CCDC57: variants seen among roughly 807,000 people sequenced by gnomAD.
CCDC57 encodes the protein coiled-coil domain containing 57.
Under a neutral mutation model 118.9 loss-of-function variants are expected in CCDC57, and 118 were observed. That is an observed-to-expected ratio of 0.99 (90% confidence interval 0.86 to 1.16). The LOEUF (loss-of-function observed/expected upper bound fraction) is 1.16. CCDC57 is among the 50% of genes most tolerant of loss of function. The pLI, the probability that CCDC57 is intolerant of heterozygous loss-of-function variation, is 0.00. For missense variants in CCDC57, 1,300 were observed against 1,320.7 expected (o/e 0.98, Z 0.24); for synonymous variants, 527 against 532.9 (o/e 0.99, Z 0.15).
At chr17:82,190,935 T>C (rs2047595893) in intron 7 of CCDC57, among the ~76,000 whole-genome samples, 1 of 151,552 alleles carries the variant, frequency 6.6e-6, no homozygotes, top group Non-Finnish European at 1.5e-5. Context: ...CCTGAAAGCC[T>C]GGCAGGCTTC....
intron 2 of CCDC57, among the ~76,000 whole-genome samples, chr17:82,202,687 T>G (rs574776218): frequency 6.6e-6 from 1 of 151,978 alleles, no homozygotes; most frequent in South Asian, 2.1e-4. Context: ...GAAGTGGAGG[T>G]TGCAGTGAGC....
chr17:82,149,212 A>AATGG (rs2041494833), intron 16 of CCDC57, among the ~76,000 whole-genome samples: 1 of 90,670 alleles, frequency 1.1e-5, no homozygotes, highest in Non-Finnish European at 2.2e-5. Flanking sequence ...TGGGTGGATG[A>AATGG]ATGGATGGGT....
chr17:82,105,887 T>C (rs575795687), intron 19 of CCDC57, among the ~76,000 whole-genome samples: 1 of 152,354 alleles, frequency 6.6e-6, no homozygotes, highest in African/African-American at 2.4e-5. Flanking sequence ...TGGGCAGTCC[T>C]GCCACCCATC....
intron 19 of CCDC57, among the ~76,000 whole-genome samples, chr17:82,102,395 C>T (rs1205177304): frequency 6.6e-6 from 1 of 152,264 alleles, no homozygotes; most frequent in African/African-American, 2.4e-5. Flanking sequence ...AGGCCAAGGG[C>T]CCAGGAGTGC....
intron 19 of CCDC57, chr17:82,111,895 T>C (rs1201205960): frequency 2.0e-5 from 3 of 150,026 alleles, no homozygotes; most frequent in Non-Finnish European, 1.5e-5. Flanking sequence ...GCGTGAGCCA[T>C]GGTGCTCGCC....
At position 82,199,286 on chromosome 17, in the gene CCDC57, T is replaced by C. The variant is rs541967514; in HGVS notation, c.408-864A>G. On this transcript the variant is annotated intron_variant, in intron 3 of 19. Transcript: ENST00000665763. The stretch of plus-strand genomic sequence containing the variant: ...CGGGGTCAGGAGTCCAAGACCAGCC[T>C]GGCCAACATGGTGAAACCCCATCTC... 5.9e-5 allele frequency among the ~76,000 whole-genome samples: 9 copies of C among 151,928 alleles called. No individual in the cohort carries two copies. In the East Asian group the frequency reaches 1.8e-3, roughly 30 times the overall value.
At chr17:82,137,459 TG>T (rs2039374741) in intron 16 of CCDC57, among the ~76,000 whole-genome samples, 4 of 152,276 alleles carry the variant, frequency 2.6e-5, no homozygotes. Flanking sequence ...TATGTCTTGA[TG>T]GTTTCAGAAA....
intron 19 of CCDC57, chr17:82,113,808 T>A: frequency 1.6e-6 from 1 of 626,658 alleles, no homozygotes. Flanking sequence ...TAGCCAGCTA[T>A]GGTGATGTGC....
At chr17:82,195,769 T>C (rs1250899350) in intron 4 of CCDC57, among the ~76,000 whole-genome samples, 1 of 152,052 alleles carries the variant, frequency 6.6e-6, no homozygotes, top group Non-Finnish European at 1.5e-5. Flanking sequence ...CCTAGCTTAG[T>C]AACTAAAAGG....
At chr17:82,188,404 G>A in exon 8 of CCDC57, 1 of 1,611,282 alleles carries the variant, frequency 6.2e-7, no homozygotes, top group Non-Finnish European at 8.5e-7. Context: ...TGGCCAGACG[G>A]TCGAGCTCCT....
At chr17:82,162,063 A>C (rs1367661191) in intron 14 of CCDC57, among the ~76,000 whole-genome samples, 1 of 152,130 alleles carries the variant, frequency 6.6e-6, no homozygotes, top group Non-Finnish European at 1.5e-5. Context: ...ACAATGGCAC[A>C]ATCTCGGCTC....
At chr17:82,184,029 GCGCACACACACACACACACACACA>G (rs2046597384) in intron 8 of CCDC57, 97 bp from the exon 8 acceptor site, 3 of 235,814 alleles carry the variant, frequency 1.3e-5, no homozygotes, top group Non-Finnish European at 2.3e-5. Flanking sequence ...GCGCGCGCGC[GCGCACACACACACACACACACACA>G]CACACACACA....
At chr17:82,124,473 T>C (rs1342773852) in intron 19 of CCDC57, among the ~76,000 whole-genome samples, 1 of 152,158 alleles carries the variant, frequency 6.6e-6, no homozygotes, top group Admixed American at 6.5e-5. Context: ...CTTTTTCAAA[T>C]AGCTAGTCAA....
exon 19 of CCDC57, chr17:82,127,757 A>G (rs11077969): frequency 0.55 from 885,487 of 1,611,120 alleles, 251,927 homozygotes; most frequent in Non-Finnish European, 0.59. Flanking sequence ...CAACCTCCAC[A>G]TGTCCTGGAG....
chr17:82,191,261 G>C (rs764814160), intron 7 of CCDC57, among the ~76,000 whole-genome samples: 24 of 152,138 alleles, frequency 1.6e-4, no homozygotes, highest in Non-Finnish European at 2.1e-4. Context: ...ACCGGCGCCA[G>C]ATGATGAGGA....
exon 2 of CCDC57, chr17:82,207,876 G>A (rs983692553): frequency 3.9e-5 from 6 of 152,224 alleles, no homozygotes; most frequent in African/African-American, 1.4e-4. Context: ...CCAGGCAGGC[G>A]GTGTTGGAAC....
At position 82,212,235 on chromosome 17, in the gene CCDC57, C is replaced by T. The variant is rs2050215324; in HGVS notation, c.-211+550G>A. 1.3e-5 allele frequency among the ~76,000 whole-genome samples: 2 copies of T among 152,076 alleles called. No individual in the cohort carries two copies. Among genetic ancestry groups the T allele is most frequent in the Non-Finnish European group, 2.9e-5 (2 of 68,020 alleles). Reference sequence around the variant, plus strand: ...GAGTAGCTGGGATTACAGGCGTGCACCACCACGCCCAATAATTTTTGTATT... The same window carrying T: ...GAGTAGCTGGGATTACAGGCGTGCATCACCACGCCCAATAATTTTTGTATT... On this transcript the variant is annotated intron_variant, in intron 1 of 19. Transcript: ENST00000665763. The surrounding 1 kb of genome is among the most constrained non-coding windows in gnomAD (Gnocchi z 4.1).
intron 14 of CCDC57, 70 bp from the exon 14 acceptor site, chr17:82,158,018 G>C (rs1356191868): frequency 2.0e-6 from 3 of 1,493,980 alleles, no homozygotes; most frequent in Non-Finnish European, 2.7e-6. Context: ...CCTGGGCACT[G>C]ACAGGAAGCG....
At chr17:82,183,265 T>C (rs1490143194) in intron 9 of CCDC57, among the ~76,000 whole-genome samples, 2 of 152,222 alleles carry the variant, frequency 1.3e-5, no homozygotes, top group African/African-American at 4.8e-5. Flanking sequence ...AATGCTATCT[T>C]TGTTCAAGGA....
Sources: gnomAD v4.1 joint callset for allele counts (sites outside exome capture counted in the v4.1 genomes callset) on GRCh38, gnomAD v4.1.1 for gene constraint, Gnocchi (gnomAD v3.1) non-coding constraint, MANE v1.5 for transcripts, NCBI Gene and HGNC (gene_info 2026-07-23, HGNC 2026-07-21) for gene names.